RUFY3: variants seen among roughly 807,000 people sequenced by gnomAD.
RUFY3 encodes RUN and FYVE domain containing 3.
RUFY3 carries 34 observed loss-of-function variants against 84.0 expected under a neutral mutation model. That is an observed-to-expected ratio of 0.40 (90% CI 0.31 to 0.54). The LOEUF (loss-of-function observed/expected upper bound fraction) is 0.54. Among genes scored for constraint, RUFY3 ranks in the 20% least tolerant of loss-of-function variants. The pLI is 0.39. For missense variants in RUFY3, 507 were observed against 736.8 expected (o/e 0.69, Z 3.61); for synonymous variants, 242 against 252.9 (o/e 0.96, Z 0.41).
rs780385655 is a variant in RUFY3 at position 70,793,871 on chromosome 4, T to C, written c.1424T>C (p.Leu475Pro). The C allele has an allele frequency of 1.9e-6, 3 of 1,614,084 alleles. No individual in the cohort carries two copies. The Admixed American group carries it at 5.0e-5, about 27-fold the overall frequency. The change falls in exon 13 of 18, where the codon CTG becomes CCG. Residue 475 changes from leucine (L) to proline (P), a missense_variant. Around this residue, in one of 4 missense-constraint regions of RUFY3, gnomAD observed 334 missense variants for 364.1 expected, o/e 0.92. Transcript: ENST00000381006. ...KQDFGDKINS[L>P]QLEVEELTRQ... ...GACTTTGGAGACAAGATCAACAGTC[T>C]GCAGCTGGAAGTCGAGGAGCTCACC...
In RUFY3 at chr4:70,805,244, T is replaced by C. The variant is rs16845466; in HGVS notation, c.1719+828T>C. Among the ~76,000 whole-genome samples, 830 of 152,360 alleles carry C rather than the reference T, an allele frequency of 5.4e-3. 7 individuals carry two copies. The highest frequency in any genetic ancestry group is 0.017 in the African/African-American group (714 of 41,602). On this transcript the variant is annotated intron_variant, in intron 17 of 17. Transcript: ENST00000381006. ...ACTTTATCCTGCTCAGAACAGGATA[T>C]GAGCTCTCCCTGCTAGACCACTTGT... is the stretch of plus-strand genomic sequence containing the variant.
intron 12 of RUFY3, chr4:70,791,624 A>C: frequency 9.2e-7 from 1 of 1,089,150 alleles, no homozygotes; most frequent in East Asian, 7.2e-5. Flanking sequence ...TACATATACT[A>C]ATGATGCCTT....
chr4:70,736,912 G>A (rs1393406328), intron 1 of RUFY3, among the ~76,000 whole-genome samples: 3 of 152,094 alleles, frequency 2.0e-5, no homozygotes, highest in Non-Finnish European at 4.4e-5. Context: ...TTTATTACAG[G>A]CATTTAGGTT....
At chr4:70,773,637 T>C in intron 6 of RUFY3, 65 bp downstream of exon 6, 3 of 1,110,678 alleles carry the variant, frequency 2.7e-6, no homozygotes, top group Non-Finnish European at 1.4e-6. Context: ...TTGGTGGTAC[T>C]TAAAGTTTAC....
rs1742387535 is a variant in RUFY3 at position 70,722,258 on chromosome 4, A to G, written c.-316A>G. The stretch of plus-strand genomic sequence containing the variant: ...GATTTAAAGCCTATAGCTCAGCTGA[A>G]AAAAAAGGTGGGGGGCAGGGAAGGG... On this transcript the variant is annotated 5_prime_UTR_variant, in exon 1 of 18. Coordinates refer to ENST00000381006, the MANE Select transcript of RUFY3 (RefSeq NM_001037442.4). The G allele has an allele frequency of 8.1e-7, 1 of 1,232,822 alleles. No homozygotes were observed. 76.4% of individuals were successfully genotyped at this position (1,232,822 alleles called of 1,614,324 possible).
At chr4:70,777,712 T>A (rs1422874633) in intron 7 of RUFY3, among the ~76,000 whole-genome samples, 1 of 152,178 alleles carries the variant, frequency 6.6e-6, no homozygotes, top group Non-Finnish European at 1.5e-5. Context: ...ATACCTAACA[T>A]AAAGGGTTGT....
upstream of RUFY3, among the ~76,000 whole-genome samples, chr4:70,717,247 G>T (rs1404446196): frequency 3.9e-5 from 6 of 152,052 alleles, no homozygotes; most frequent in Non-Finnish European, 8.8e-5. Context: ...TTTCTATTTT[G>T]GAATTTATCA....
chr4:70,768,081 C>T (rs1314275260), intron 4 of RUFY3, among the ~76,000 whole-genome samples: 1 of 152,102 alleles, frequency 6.6e-6, no homozygotes, highest in Non-Finnish European at 1.5e-5. Context: ...GCAGTCCTCC[C>T]GCCTTGGTCT....
rs6813781 is a variant in RUFY3 at position 70,782,094 on chromosome 4, A to G, written c.895-997A>G. On this transcript the variant is annotated intron_variant, in intron 8 of 17. Transcript: ENST00000381006. ...TCTTTAATCTTTTAAGAAATCATCT[A>G]TAAAAGATCTTATAGAGCGTTTGTC... 1.5e-3 allele frequency among the ~76,000 whole-genome samples: 228 copies of G among 152,270 alleles called. 1 individual carries two copies. The highest frequency in any genetic ancestry group is 5.2e-3 in the African/African-American group (217 of 41,552).
chr4:70,802,536 A>G (rs1444766554), intron 15 of RUFY3, among the ~76,000 whole-genome samples: 1 of 152,178 alleles, frequency 6.6e-6, no homozygotes, highest in African/African-American at 2.4e-5. Flanking sequence ...TCTTAAGAAT[A>G]TTTGGGACTG....
intron 4 of RUFY3, among the ~76,000 whole-genome samples, chr4:70,766,064 T>C (rs983326825): frequency 1.8e-4 from 28 of 152,040 alleles, no homozygotes; most frequent in African/African-American, 6.8e-4. Flanking sequence ...ATTAATATCT[T>C]TTATAGTGAA....
At chr4:70,804,502 C>T in intron 17 of RUFY3, 86 bp downstream of exon 17, 1 of 1,158,790 alleles carries the variant, frequency 8.6e-7, no homozygotes, top group Non-Finnish European at 1.3e-6. Flanking sequence ...AGGGACTTTC[C>T]CGCATAGAGT....
chr4:70,731,841 A>G (rs920202544), intron 1 of RUFY3, among the ~76,000 whole-genome samples: 7 of 152,328 alleles, frequency 4.6e-5, no homozygotes, highest in African/African-American at 1.4e-4. Context: ...TACTGGGATT[A>G]CAGGCATGAG....
At chr4:70,740,047 G>GA (rs948648906) in intron 1 of RUFY3, among the ~76,000 whole-genome samples, 5 of 149,568 alleles carry the variant, frequency 3.3e-5, no homozygotes, top group Middle Eastern at 3.4e-3. Flanking sequence ...GTCTAAGAAT[G>GA]AAAAAAAATC....
chr4:70,791,431 A>G lies in RUFY3; in HGVS notation c.1337+1839A>G. On this transcript the variant is annotated intron_variant, in intron 12 of 17. Coordinates refer to ENST00000381006, the MANE Select transcript of RUFY3 (RefSeq NM_001037442.4). ...AAAAAGTTGACTTTGAATTTGTTGGACTTTTAAAAAACCAGTTGGAAATAT... is the reference window on the plus strand; with the variant it reads ...AAAAAGTTGACTTTGAATTTGTTGGGCTTTTAAAAAACCAGTTGGAAATAT... The G allele has an allele frequency of 2.1e-6, 3 of 1,405,452 alleles. No individual in the cohort carries two copies. In the South Asian group the frequency reaches 5.5e-5, roughly 26 times the overall value. The allele number at this position is 1,405,452 out of a possible 1,614,324, so 87.1% of individuals were successfully genotyped here.
At chr4:70,704,900 G>A in exon 1 of RUFY3, 1 of 1,194,774 alleles carries the variant, frequency 8.4e-7, no homozygotes, top group Non-Finnish European at 1.0e-6. Flanking sequence ...CCAGGCCCGG[G>A]CGCGAATCGG....
At chr4:70,705,258 AGCG>A (rs758130707) in exon 1 of RUFY3, 143 of 1,437,992 alleles carry the variant, frequency 9.9e-5, no homozygotes, top group Admixed American at 4.0e-4. Flanking sequence ...GAGCTACCCG[AGCG>A]GCGGCGGCGG....
chr4:70,750,594 G>C (rs1301346174), intron 1 of RUFY3, among the ~76,000 whole-genome samples: 1 of 152,102 alleles, frequency 6.6e-6, no homozygotes, highest in African/African-American at 2.4e-5. Flanking sequence ...GTGGTGGTTA[G>C]TATAGTCACA....
intron 14 of RUFY3, among the ~76,000 whole-genome samples, chr4:70,795,883 T>TA (rs1344714598): frequency 6.6e-6 from 1 of 152,216 alleles, no homozygotes; most frequent in African/African-American, 2.4e-5. Context: ...AGTGGATGCC[T>TA]AATGATTTCC....
Sources: allele counts gnomAD v4.1 joint callset (sites outside exome capture counted in the v4.1 genomes callset), GRCh38; gene constraint gnomAD v4.1.1; regional missense constraint gnomAD v4.1.1; transcripts MANE v1.5; gene names NCBI Gene and HGNC (gene_info 2026-07-23, HGNC 2026-07-21).